The following NR6A1 variants were observed in gnomAD, a reference collection of about 807,000 sequenced individuals.
NR6A1 encodes the protein retinoic acid receptor-related testis-associated receptor.
In NR6A1, 7 loss-of-function variants were observed where a neutral mutation model predicts 59.1. The ratio of observed to expected loss-of-function variants is 0.12; its 90% confidence interval spans 0.07 to 0.22. The LOEUF (loss-of-function observed/expected upper bound fraction) is 0.22. NR6A1 is among the 10% of genes least tolerant of loss of function. The pLI is 1.00. For synonymous variants in NR6A1, 243 were observed against 236.1 expected (o/e 1.03, Z -0.27); for missense variants, 468 against 611.6 (o/e 0.77, Z 2.48).
intron 2 of NR6A1, among the ~76,000 whole-genome samples, chr9:124,616,900 A>T (rs1214486880): frequency 6.6e-6 from 1 of 152,234 alleles, no homozygotes; most frequent in Non-Finnish European, 1.5e-5. Flanking sequence ...GTTGATGTAC[A>T]ACTTGAAAAC....
At chr9:124,681,760 T>C (rs1838167910) in intron 2 of NR6A1, among the ~76,000 whole-genome samples, 1 of 152,178 alleles carries the variant, frequency 6.6e-6, no homozygotes, top group African/African-American at 2.4e-5. Flanking sequence ...TTTACAAACT[T>C]AATTTTTTGA....
intron 1 of NR6A1, among the ~76,000 whole-genome samples, chr9:124,764,759 T>A (rs1247064462): frequency 1.3e-5 from 2 of 152,242 alleles, no homozygotes; most frequent in Non-Finnish European, 2.9e-5. Context: ...ACCAAATTTT[T>A]AAAATAATTT....
intron 2 of NR6A1, among the ~76,000 whole-genome samples, chr9:124,702,003 G>A (rs997025669): frequency 6.6e-6 from 1 of 152,188 alleles, no homozygotes; most frequent in South Asian, 2.1e-4. Flanking sequence ...AGGATTACAG[G>A]TGTGAGCCAC....
intron 1 of NR6A1, among the ~76,000 whole-genome samples, chr9:124,736,996 C>T (rs183801237): frequency 5.1e-4 from 77 of 152,090 alleles, no homozygotes; most frequent in Admixed American, 1.8e-3. Context: ...TAGATTATAG[C>T]AGAGTTACTA....
At chr9:124,686,117 C>A (rs1231073494) in intron 2 of NR6A1, among the ~76,000 whole-genome samples, 1 of 152,152 alleles carries the variant, frequency 6.6e-6, no homozygotes, top group Non-Finnish European at 1.5e-5. Flanking sequence ...CAAATCTATA[C>A]TCTACCTGAG....
chr9:124,693,606 T>A (rs1223317854), intron 2 of NR6A1: 2 of 443,296 alleles, frequency 4.5e-6, no homozygotes, highest in Non-Finnish European at 9.4e-6. Flanking sequence ...GATGGCTGGT[T>A]ACTAAGGGAG....
intron 1 of NR6A1, among the ~76,000 whole-genome samples, chr9:124,743,689 TA>T (rs1345298294): frequency 6.6e-6 from 1 of 152,188 alleles, no homozygotes; most frequent in Non-Finnish European, 1.5e-5. Context: ...AAAACATTTT[TA>T]AAAAATAAAG....
At chr9:124,693,554 A>G (rs756873094) in intron 2 of NR6A1, among the ~76,000 whole-genome samples, 1 of 152,156 alleles carries the variant, frequency 6.6e-6, no homozygotes, top group African/African-American at 2.4e-5. Context: ...CCCAGCTCCA[A>G]TGTCAATGTT....
intron 1 of NR6A1, among the ~76,000 whole-genome samples, chr9:124,753,891 T>G (rs1282389442): frequency 3.3e-5 from 5 of 152,176 alleles, no homozygotes; most frequent in Admixed American, 3.3e-4. Flanking sequence ...AGGCTCATAA[T>G]TCTACTTACA....
At chr9:124,652,559 C>A (rs1485960616) in intron 2 of NR6A1, among the ~76,000 whole-genome samples, 1 of 152,170 alleles carries the variant, frequency 6.6e-6, no homozygotes, top group Admixed American at 6.5e-5. Context: ...AATTAATTTC[C>A]TTCCTTTCCC....
At chr9:124,755,622 T>G (rs901857586) in intron 1 of NR6A1, among the ~76,000 whole-genome samples, 3 of 152,180 alleles carry the variant, frequency 2.0e-5, no homozygotes, top group African/African-American at 4.8e-5. Flanking sequence ...GTCCTTTCTA[T>G]CAATAAGATA....
At chr9:124,750,876 T>C (rs950654093) in intron 1 of NR6A1, among the ~76,000 whole-genome samples, 1 of 152,178 alleles carries the variant, frequency 6.6e-6, no homozygotes, top group Non-Finnish European at 1.5e-5. Context: ...AAAATTGAAG[T>C]CTGGCTTTAA....
At chr9:124,678,265 T>C (rs1375274131) in intron 2 of NR6A1, among the ~76,000 whole-genome samples, 1 of 152,186 alleles carries the variant, frequency 6.6e-6, no homozygotes, top group Non-Finnish European at 1.5e-5. Context: ...AGCCCCAGTA[T>C]ATACATACAA....
At chr9:124,663,459 T>C (rs1272900185) in intron 2 of NR6A1, among the ~76,000 whole-genome samples, 1 of 152,186 alleles carries the variant, frequency 6.6e-6, no homozygotes, top group African/African-American at 2.4e-5. Flanking sequence ...CAGGATCTTG[T>C]ACAAGTCACT....
At chr9:124,594,745 G>C (rs1835224413) in intron 2 of NR6A1, among the ~76,000 whole-genome samples, 1 of 152,134 alleles carries the variant, frequency 6.6e-6, no homozygotes, top group African/African-American at 2.4e-5. Flanking sequence ...TGAAGCCAAG[G>C]TTACTAAAAA....
intron 8 of NR6A1, among the ~76,000 whole-genome samples, chr9:124,525,674 T>C (rs1832913172): frequency 6.6e-6 from 1 of 150,854 alleles, no homozygotes; most frequent in Non-Finnish European, 1.5e-5. Context: ...TTTTTCTAAA[T>C]AGATCTCTCT....
intron 2 of NR6A1, chr9:124,598,899 T>C (rs1351669841): frequency 4.3e-6 from 3 of 705,308 alleles, no homozygotes; most frequent in African/African-American, 1.8e-5. Flanking sequence ...AGGAAGCGGA[T>C]GGCCAGCAGC....
At chr9:124,525,509 C>T (rs1832908677) in intron 8 of NR6A1, among the ~76,000 whole-genome samples, 1 of 152,024 alleles carries the variant, frequency 6.6e-6, no homozygotes, top group African/African-American at 2.4e-5. Context: ...GTGTGTGCCA[C>T]CATGCTCAAC....
intron 2 of NR6A1, among the ~76,000 whole-genome samples, chr9:124,563,623 A>G (rs1564180646): frequency 6.6e-6 from 1 of 152,222 alleles, no homozygotes; most frequent in African/African-American, 2.4e-5. Context: ...GTTACACTGA[A>G]TCACTCACTC....
Sources: gnomAD v4.1 joint callset for allele counts (sites outside exome capture counted in the v4.1 genomes callset) on GRCh38, gnomAD v4.1.1 for gene constraint, MANE v1.5 for transcripts, NCBI Gene and HGNC (gene_info 2026-07-23, HGNC 2026-07-21) for gene names.